NUP37: variants seen among roughly 807,000 people sequenced by gnomAD.
NUP37 encodes the protein nucleoporin 37.
Under a neutral mutation model 45.4 loss-of-function variants are expected in NUP37, and 33 were observed. The observed-to-expected ratio is 0.73, with a 90% confidence interval of 0.55 to 0.97. NUP37 has a LOEUF of 0.97. NUP37 is among the 50% of genes least tolerant of loss of function. The pLI is 0.00. For synonymous variants in NUP37, 127 were observed against 130.7 expected, an observed-to-expected ratio of 0.97 and a Z score of 0.19; for missense variants, 365 against 389.7, an observed-to-expected ratio of 0.94 and a Z score of 0.53.
intron 5 of NUP37, among the ~76,000 whole-genome samples, chr12:102,091,296 G>C (rs1215033890): frequency 6.6e-6 from 1 of 151,036 alleles, no homozygotes; most frequent in Admixed American, 6.6e-5. Flanking sequence ...TACTCGGGAG[G>C]CTGAGGCAGG....
At chr12:102,097,844 A>T (rs751639027) in intron 5 of NUP37, among the ~76,000 whole-genome samples, 1 of 152,200 alleles carries the variant, frequency 6.6e-6, no homozygotes, top group Non-Finnish European at 1.5e-5. Flanking sequence ...CTAGAATCTT[A>T]ATGTCATGTA....
chr12:102,112,317 A>G, intron 2 of NUP37, 85 bp from the exon 3 acceptor site: 2 of 1,134,184 alleles, frequency 1.8e-6, no homozygotes, highest in Middle Eastern at 4.2e-4. Flanking sequence ...ATTTATCAGG[A>G]GGTTATGCTT....
In NUP37 at chr12:102,077,323, T is replaced by C; in HGVS notation, c.721A>G (p.Ser241Gly). The change falls in exon 7 of 10, where the codon AGT (serine) becomes GGT (glycine). Residue 241 changes from serine (S) to glycine (G), a missense_variant and splice_region_variant. Transcript: ENST00000552283. ...DWLIWDITRS[S>G]YPQNKRPVHM... ...TAGACAAACATATCAAGAAAGTACC[T>C]GGACCGAGTAATATCCCAAATTAAC... The C allele has an allele frequency of 6.2e-7, 1 of 1,614,054 alleles. No homozygotes were observed. Among genetic ancestry groups the C allele is most frequent in the Non-Finnish European group, 8.5e-7 (1 of 1,179,972 alleles).
chr12:102,074,693 G>T, intron 9 of NUP37: 1 of 461,828 alleles, frequency 2.2e-6, no homozygotes. Context: ...CATTTTTGCA[G>T]TCTACACCAA....
intron 2 of NUP37, among the ~76,000 whole-genome samples, chr12:102,116,478 A>G (rs1488063467): frequency 2.0e-5 from 3 of 152,152 alleles, no homozygotes; most frequent in African/African-American, 7.2e-5. Flanking sequence ...AACCATGTCC[A>G]TGTAAGTCAG....
chr12:102,113,360 A>C (rs1340676861), intron 2 of NUP37, among the ~76,000 whole-genome samples: 2 of 152,200 alleles, frequency 1.3e-5, no homozygotes, highest in Non-Finnish European at 2.9e-5. Context: ...ACCTACCATG[A>C]GTAAGGGAAG....
intron 6 of NUP37, among the ~76,000 whole-genome samples, chr12:102,082,536 C>A (rs189929589): frequency 6.6e-6 from 1 of 152,166 alleles, no homozygotes; most frequent in African/African-American, 2.4e-5. Context: ...GGATTTTACA[C>A]GTTAGCACAT....
intron 3 of NUP37, among the ~76,000 whole-genome samples, chr12:102,107,054 C>A (rs982191589): frequency 6.6e-6 from 1 of 152,188 alleles, no homozygotes; most frequent in African/African-American, 2.4e-5. Flanking sequence ...GCTATATAAA[C>A]CCCTAATTTT....
chr12:102,097,133 G>T (rs955875862), intron 5 of NUP37, among the ~76,000 whole-genome samples: 1 of 152,066 alleles, frequency 6.6e-6, no homozygotes. Flanking sequence ...AGCACAGGAG[G>T]TCAAGTCAAG....
intron 6 of NUP37, chr12:102,079,319 AAC>A: frequency 2.3e-6 from 1 of 443,680 alleles, no homozygotes; most frequent in Non-Finnish European, 4.5e-6. Context: ...AAACACATAA[AAC>A]ATCATTTATT....
rs1054421550 is a variant in NUP37 at position 102,099,167 on chromosome 12, A to C, written c.388T>G (p.Leu130Val). ...TGGCCTTCTTTGGGATCAAACACCA[A>C]ACCATTAATGAAATCGGTATGGCCC... Reference protein sequence around the residue: ...LEGHTDFINGLVFDPKEGQEI... With the variant: ...LEGHTDFINGVVFDPKEGQEI... Residue 130 changes from leucine (L) to valine (V), a missense_variant, in exon 5 of 10, where the codon TTG becomes GTG. Leu to Val is a conservative substitution (Grantham distance 32). Transcript: ENST00000552283. 1 of 1,613,702 alleles carries C rather than the reference A, an allele frequency of 6.2e-7. No homozygotes were observed. The highest frequency in any genetic ancestry group is 8.5e-7 in the Non-Finnish European group (1 of 1,179,606).
chr12:102,096,001 A>G (rs915741952), intron 5 of NUP37, among the ~76,000 whole-genome samples: 8 of 152,122 alleles, frequency 5.3e-5, no homozygotes, highest in African/African-American at 1.9e-4. Context: ...CTCATTGTAA[A>G]GAAGAAGAAA....
chr12:102,108,395 T>A (rs1880218311), intron 3 of NUP37, among the ~76,000 whole-genome samples: 1 of 152,238 alleles, frequency 6.6e-6, no homozygotes, highest in Non-Finnish European at 1.5e-5. Context: ...CAGGGGCTCT[T>A]GGGCCTTAGG....
At chr12:102,089,168 T>G (rs1242252414) in intron 5 of NUP37, among the ~76,000 whole-genome samples, 1 of 151,840 alleles carries the variant, frequency 6.6e-6, no homozygotes, top group African/African-American at 2.4e-5. Context: ...TTCCCCCTTT[T>G]CTTTTCGACA....
At position 102,084,575 on chromosome 12, in the gene NUP37, C is replaced by T. The variant is rs564400076; in HGVS notation, c.540+1191G>A. 6.6e-5 allele frequency among the ~76,000 whole-genome samples: 10 copies of T among 152,024 alleles called. No individual in the cohort carries two copies. In the South Asian group the frequency reaches 1.0e-3, roughly 16 times the overall value. On this transcript the variant is annotated intron_variant, in intron 6 of 9. Transcript: ENST00000552283. ...GGGAGGATCACCTGAGCCCGGCATA[C>T]GAAGGTTGCAGTGAATGATGAATGC...
At chr12:102,095,745 T>C (rs1306681331) in intron 5 of NUP37, among the ~76,000 whole-genome samples, 1 of 152,132 alleles carries the variant, frequency 6.6e-6, no homozygotes, top group African/African-American at 2.4e-5. Flanking sequence ...TGCTATGTTA[T>C]TCCTATTTTG....
In NUP37 at chr12:102,112,177, T is replaced by A; in HGVS notation, c.212A>T (p.His71Leu). 3 of 1,613,640 alleles carry A rather than the reference T, an allele frequency of 1.9e-6. No individual in the cohort carries two copies. The highest frequency in any genetic ancestry group is 2.5e-6 in the Non-Finnish European group (3 of 1,179,582). ...IQYKTLRTFH[H>L]GVRVDGIAWS... Reference sequence around the variant, plus strand: ...AGCTATGCCATCAACCCTGACTCCATGGTGAAATGTTCGAAGTGTTTTATA... The same window carrying A: ...AGCTATGCCATCAACCCTGACTCCAAGGTGAAATGTTCGAAGTGTTTTATA... The change falls in exon 3 of 10, where the codon CAT (histidine) becomes CTT (leucine). Residue 71 changes from histidine to leucine, a missense_variant. By Grantham distance (99) the His-to-Leu change is moderately conservative. Transcript: ENST00000552283.
chr12:102,110,894 T>C (rs969913543), intron 3 of NUP37, among the ~76,000 whole-genome samples: 1 of 152,252 alleles, frequency 6.6e-6, no homozygotes, highest in African/African-American at 2.4e-5. Flanking sequence ...CTTAGATTAT[T>C]GGGGAAAAGA....
chr12:102,097,965 A>T (rs1287782341), intron 5 of NUP37, among the ~76,000 whole-genome samples: 1 of 152,236 alleles, frequency 6.6e-6, no homozygotes, highest in African/African-American at 2.4e-5. Context: ...TTAAAAATTT[A>T]AAAAGTAGCT....
Sources: allele counts gnomAD v4.1 joint callset (sites outside exome capture counted in the v4.1 genomes callset), GRCh38; gene constraint gnomAD v4.1.1; transcripts MANE v1.5; gene names NCBI Gene and HGNC (gene_info 2026-07-23, HGNC 2026-07-21).